Variants in USP24 observed in about 807,000 individuals in gnomAD.
USP24 encodes ubiquitin specific peptidase 24, also known as ubiquitin carboxyl-terminal hydrolase 24.
USP24 carries 97 observed loss-of-function variants against 361.6 expected under a neutral mutation model. The ratio of observed to expected loss-of-function variants is 0.27; its 90% CI spans 0.23 to 0.32. The LOEUF is 0.32. Among genes scored for constraint, USP24 ranks in the 10% least tolerant of loss-of-function variants. USP24 has a pLI of 1.00. For missense variants in USP24, 2,353 were observed against 3,165.6 expected (o/e 0.74, Z 6.16); for synonymous variants, 1,098 against 1,124.6 (o/e 0.98, Z 0.47).
At chr1:55,203,379 AG>A (rs138059382) in intron 1 of USP24, among the ~76,000 whole-genome samples, 3,740 of 152,306 alleles carry the variant, frequency 0.025, 57 homozygotes, top group Non-Finnish European at 0.037. Context: ...CCAAGAGTCA[AG>A]GTCCTCCTCC....
At chr1:55,158,772 C>A (rs920863300) in intron 10 of USP24, 106 bp downstream of exon 10, 1 of 977,780 alleles carries the variant, frequency 1.0e-6, no homozygotes, top group Non-Finnish European at 1.3e-6. Flanking sequence ...TATATGATTA[C>A]AATAAATTAT....
intron 16 of USP24, among the ~76,000 whole-genome samples, chr1:55,153,212 G>T (rs1647287553): frequency 6.6e-6 from 1 of 152,106 alleles, no homozygotes; most frequent in Non-Finnish European, 1.5e-5. Context: ...AGAGGCTTGA[G>T]GCTTAAGGAC....
At chr1:55,122,941 T>A (rs781128505) in intron 36 of USP24, among the ~76,000 whole-genome samples, 9 of 151,974 alleles carry the variant, frequency 5.9e-5, no homozygotes, top group Non-Finnish European at 8.8e-5. Context: ...TTTAAAACTG[T>A]GAAACTGCAC....
chr1:55,126,132 C>G (rs1161455577), intron 32 of USP24, among the ~76,000 whole-genome samples: 1 of 152,202 alleles, frequency 6.6e-6, no homozygotes, highest in Admixed American at 6.5e-5. Context: ...ATAACTTGAC[C>G]TCTGGTATCT....
chr1:55,209,693 T>C (rs1644804001), intron 1 of USP24, among the ~76,000 whole-genome samples: 1 of 152,206 alleles, frequency 6.6e-6, no homozygotes, highest in Non-Finnish European at 1.5e-5. Flanking sequence ...GAGCGCTTAG[T>C]GAGTGGAGTG....
chr1:55,214,370 G>C (rs1644928025), intron 1 of USP24, among the ~76,000 whole-genome samples: 1 of 151,506 alleles, frequency 6.6e-6, no homozygotes, highest in South Asian at 2.1e-4. Context: ...CAAAATCTCC[G>C]ACCTAGCCTA....
chr1:55,175,047 GC>G (rs1649819939), intron 3 of USP24, among the ~76,000 whole-genome samples: 1 of 151,804 alleles, frequency 6.6e-6, no homozygotes, highest in Admixed American at 6.6e-5. Context: ...TATAATCTTT[GC>G]CCAAATGACA....
chr1:55,089,520 G>A, intron 55 of USP24, 107 bp downstream of exon 55: 1 of 752,486 alleles, frequency 1.3e-6, no homozygotes, highest in Non-Finnish European at 2.1e-6. Context: ...TAGACTTTAA[G>A]CAGAACAATA....
At chr1:55,134,435 G>T (rs1646677491) in intron 28 of USP24, 22 bp from the exon 29 acceptor site, 1 of 1,584,270 alleles carries the variant, frequency 6.3e-7, no homozygotes, top group East Asian at 2.2e-5. Context: ...AAGCAAAATA[G>T]AAATTCAAAT....
At chr1:55,069,311 A>G (rs1644871715) in intron 67 of USP24, among the ~76,000 whole-genome samples, 1 of 152,262 alleles carries the variant, frequency 6.6e-6, no homozygotes, top group African/African-American at 2.4e-5. Flanking sequence ...GATCTCATTT[A>G]GTCAGTGAAA....
chr1:55,213,404 C>T (rs1205274842), intron 1 of USP24, among the ~76,000 whole-genome samples: 1 of 152,166 alleles, frequency 6.6e-6, no homozygotes, highest in Non-Finnish European at 1.5e-5. Flanking sequence ...TGTGCAGAAA[C>T]CTGTTCTTTT....
intron 50 of USP24, among the ~76,000 whole-genome samples, chr1:55,095,980 C>A (rs1276787900): frequency 6.6e-6 from 1 of 152,194 alleles, no homozygotes. Flanking sequence ...AGCTTTTTAT[C>A]AAATAGCAAG....
At chr1:55,166,729 G>GT (rs1345656695) in intron 5 of USP24, 126 bp from the exon 6 acceptor site, 1 of 946,204 alleles carries the variant, frequency 1.1e-6, no homozygotes, top group Non-Finnish European at 1.6e-6. Context: ...TATTTTCAAA[G>GT]TTTTTTTCCC....
At chr1:55,159,449 C>T (rs772956412) in intron 9 of USP24, among the ~76,000 whole-genome samples, 162 bp downstream of exon 9, 1 of 152,194 alleles carries the variant, frequency 6.6e-6, no homozygotes, top group African/African-American at 2.4e-5. Context: ...ACCAATGGTG[C>T]TTCAGAAACA....
chr1:55,110,429 T>C (rs56349475), intron 38 of USP24, among the ~76,000 whole-genome samples, 183 bp from the exon 39 acceptor site: 3,222 of 152,276 alleles, frequency 0.021, 58 homozygotes, highest in Non-Finnish European at 0.028. Context: ...AATACAGATA[T>C]AGTAACAGAA....
intron 6 of USP24, 45 bp from the exon 7 acceptor site, chr1:55,165,995 T>A: frequency 2.6e-6 from 4 of 1,557,056 alleles, no homozygotes; most frequent in Non-Finnish European, 3.5e-6. Flanking sequence ...TCTCTTTAAT[T>A]TTTTTATTTT....
intron 51 of USP24, among the ~76,000 whole-genome samples, chr1:55,094,611 C>T (rs1189768399): frequency 6.6e-6 from 1 of 150,436 alleles, no homozygotes; most frequent in Non-Finnish European, 1.5e-5. Context: ...GACAATAGGA[C>T]CTTTAAAAAA....
At chr1:55,072,007 C>T (rs895753633) in intron 66 of USP24, 83 bp from the exon 67 acceptor site, 3 of 1,244,454 alleles carry the variant, frequency 2.4e-6, no homozygotes, top group East Asian at 2.5e-5. Context: ...TACCTTTCAT[C>T]TGACCTTCAG....
At chr1:55,211,203 G>A (rs1490208194) in intron 1 of USP24, among the ~76,000 whole-genome samples, 1 of 152,154 alleles carries the variant, frequency 6.6e-6, no homozygotes, top group Non-Finnish European at 1.5e-5. Flanking sequence ...TTCTGACAGG[G>A]GGGTGGTTAA....
Sources: gnomAD v4.1 joint callset for allele counts (sites outside exome capture counted in the v4.1 genomes callset) on GRCh38, gnomAD v4.1.1 for gene constraint, MANE v1.5 for transcripts, NCBI Gene and HGNC (gene_info 2026-07-23, HGNC 2026-07-21) for gene names.